Variants in USH2A observed in about 807,000 individuals in gnomAD.
The protein encoded by USH2A is usherin.
USH2A carries 443 observed loss-of-function variants against 538.9 expected under a neutral mutation model. That is an observed-to-expected ratio of 0.82 (90% CI 0.76 to 0.89). USH2A has a LOEUF of 0.89. Ranked by LOEUF, USH2A falls within the 40% of genes least tolerant of loss-of-function variation. USH2A has a pLI of 0.00. For missense variants in USH2A, 6,633 were observed against 6,324.8 expected (o/e 1.05, Z -1.65); for synonymous variants, 2,413 against 2,273.5 (o/e 1.06, Z -1.75).
chr1:215,633,260 A>AGTGAGTAGAGGAGTGGGACAGAT (rs1224237501), intron 70 of USH2A, among the ~76,000 whole-genome samples: 1 of 152,138 alleles, frequency 6.6e-6, no homozygotes, highest in African/African-American at 2.4e-5. Context: ...GAGGAGGATG[A>AGTGAGTAGAGGAGTGGGACAGAT]GTGAGTAGAG....
At chr1:216,008,240 C>A (rs984054578) in intron 32 of USH2A, among the ~76,000 whole-genome samples, 3 of 151,894 alleles carry the variant, frequency 2.0e-5, no homozygotes, top group Non-Finnish European at 2.9e-5. Flanking sequence ...TGACATTCCA[C>A]CATGAAAGAA....
chr1:216,028,285 G>A (rs1669016037), intron 32 of USH2A, among the ~76,000 whole-genome samples: 1 of 152,052 alleles, frequency 6.6e-6, no homozygotes, highest in African/African-American at 2.4e-5. Flanking sequence ...CTACTCAGGA[G>A]ACTAAGGCAG....
chr1:215,858,116 G>T (rs955790824), intron 44 of USH2A, among the ~76,000 whole-genome samples: 20 of 152,114 alleles, frequency 1.3e-4, no homozygotes, highest in Non-Finnish European at 2.8e-4. Flanking sequence ...TGTATTTGAT[G>T]CAATAGAAAG....
At chr1:215,801,064 C>A (rs1188875321) in intron 49 of USH2A, among the ~76,000 whole-genome samples, 1 of 151,920 alleles carries the variant, frequency 6.6e-6, no homozygotes, top group East Asian at 1.9e-4. Context: ...TGATGTAGAA[C>A]AAATATTTGA....
rs144430663 is a variant in USH2A, at chr1:216,284,001, T to A, written c.1971+5279A>T. ...ATGTCTTCTTTTGGGATTTTAAGGT[T>A]ATTCTGAACTGTCTTCTAGTAATAT... On this transcript the variant is annotated intron_variant, in intron 11 of 71. Coordinates refer to ENST00000307340, the MANE Select transcript of USH2A (RefSeq NM_206933.4). Among the ~76,000 whole-genome samples the A allele has an allele frequency of 4.9e-3, 752 of 152,264 alleles. 7 individuals carry two copies. The highest frequency in any genetic ancestry group is 0.018 in the African/African-American group (733 of 41,544).
At chr1:215,789,142 C>T (rs914432812) in intron 51 of USH2A, among the ~76,000 whole-genome samples, 6 of 152,154 alleles carry the variant, frequency 3.9e-5, no homozygotes, top group Non-Finnish European at 7.3e-5. Flanking sequence ...ATTATGTATA[C>T]ACACTACTTG....
At chr1:215,649,790 T>C (rs1240836576) in intron 65 of USH2A, among the ~76,000 whole-genome samples, 3 of 152,176 alleles carry the variant, frequency 2.0e-5, no homozygotes, top group African/African-American at 7.2e-5. Flanking sequence ...CTATACAATG[T>C]TTGTGTGAAC....
At chr1:216,370,539 G>A (rs541736859) in intron 3 of USH2A, among the ~76,000 whole-genome samples, 206 of 150,550 alleles carry the variant, frequency 1.4e-3, no homozygotes, top group Non-Finnish European at 2.8e-3. Context: ...AATTAGCTGG[G>A]TATGGTGGCA....
At chr1:216,382,222 T>G (rs2038933881) in intron 3 of USH2A, among the ~76,000 whole-genome samples, 1 of 152,172 alleles carries the variant, frequency 6.6e-6, no homozygotes, top group African/African-American at 2.4e-5. Context: ...TTGAGTAAAT[T>G]GCGATAATTT....
At chr1:215,726,940 A>G (rs1035053655) in intron 61 of USH2A, among the ~76,000 whole-genome samples, 2 of 152,132 alleles carry the variant, frequency 1.3e-5, no homozygotes, top group African/African-American at 4.8e-5. Context: ...CTTATGTGCA[A>G]TTCTCATCTC....
chr1:215,907,464 T>C (rs888161963), intron 38 of USH2A, among the ~76,000 whole-genome samples: 2 of 152,066 alleles, frequency 1.3e-5, no homozygotes, highest in Non-Finnish European at 1.5e-5. Flanking sequence ...AACCATCTTC[T>C]AGCCTTGTTA....
chr1:215,725,222 C>T (rs532586217), intron 61 of USH2A, among the ~76,000 whole-genome samples: 1 of 152,268 alleles, frequency 6.6e-6, no homozygotes, highest in East Asian at 1.9e-4. Context: ...GTTGGCCAGG[C>T]TGGTCTGGAA....
At chr1:215,752,490 A>C (rs766532239) in intron 58 of USH2A, among the ~76,000 whole-genome samples, 2 of 152,176 alleles carry the variant, frequency 1.3e-5, no homozygotes, top group Non-Finnish European at 2.9e-5. Context: ...TGATCTCTTT[A>C]CAGCAATTTG....
intron 38 of USH2A, among the ~76,000 whole-genome samples, chr1:215,925,441 C>T (rs1666213504): frequency 6.6e-6 from 1 of 152,082 alleles, no homozygotes; most frequent in African/African-American, 2.4e-5. Flanking sequence ...AGAAGTAAAA[C>T]ATTATGCACA....
intron 10 of USH2A, 137 bp from the exon 11 acceptor site, chr1:216,289,547 A>G: frequency 8.7e-7 from 1 of 1,144,508 alleles, no homozygotes; most frequent in Non-Finnish European, 1.3e-6. Context: ...TTTCATCTCT[A>G]CCTGCCAATT....
rs538902695 is a variant in USH2A, at chr1:215,898,928, A to C, written c.7594+1147T>G. Reference sequence around the variant, plus strand: ...TTTACTAAATGATACCCTTGAGAACAAAAACACTGAGTGTCCCCTTGCAAA... The same window carrying C: ...TTTACTAAATGATACCCTTGAGAACCAAAACACTGAGTGTCCCCTTGCAAA... On this transcript the variant is annotated intron_variant, in intron 40 of 71. Transcript: ENST00000307340. 1.6e-4 allele frequency among the ~76,000 whole-genome samples: 25 copies of C among 152,308 alleles called. 2 individuals carry two copies. The South Asian group carries it at 5.2e-3, about 32-fold the overall frequency.
intron 61 of USH2A, among the ~76,000 whole-genome samples, chr1:215,700,697 T>G (rs1658983499): frequency 6.6e-6 from 1 of 152,194 alleles, no homozygotes; most frequent in Non-Finnish European, 1.5e-5. Context: ...TTCTTCTCTC[T>G]TTTCTTCTTT....
chr1:216,166,760 G>A (rs1226363564), intron 21 of USH2A, among the ~76,000 whole-genome samples: 1 of 151,920 alleles, frequency 6.6e-6, no homozygotes. Context: ...TTCAGGAGAG[G>A]AAAAAAATGA....
chr1:215,901,164 C>T (rs986517121), intron 38 of USH2A: 23 of 492,402 alleles, frequency 4.7e-5, no homozygotes, highest in South Asian at 6.2e-5. Context: ...CACATTCCCA[C>T]CTGTACTTCT....
Sources: gnomAD v4.1 joint callset for allele counts (sites outside exome capture counted in the v4.1 genomes callset) on GRCh38, gnomAD v4.1.1 for gene constraint, MANE v1.5 for transcripts, NCBI Gene and HGNC (gene_info 2026-07-23, HGNC 2026-07-21) for gene names.